The following OSTC variants were observed in gnomAD, a reference collection of about 807,000 sequenced individuals.
The protein encoded by OSTC is oligosaccharyltransferase complex subunit OSTC.
A neutral mutation model predicts 16.4 loss-of-function variants in OSTC; 16 were observed. That is an observed-to-expected ratio of 0.98 (90% CI 0.66 to 1.49). The LOEUF is 1.49. Among genes scored for constraint, OSTC ranks in the 40% most tolerant of loss-of-function variants. The pLI is 0.00. For missense variants in OSTC, 139 were observed against 186.3 expected (o/e 0.75, Z 1.48); for synonymous variants, 67 against 68.5 (o/e 0.98, Z 0.11).
intron 2 of OSTC, among the ~76,000 whole-genome samples, chr4:108,656,960 G>A (rs191292165): frequency 3.3e-5 from 5 of 152,014 alleles, no homozygotes; most frequent in East Asian, 1.9e-4. Context: ...TTAGCCAGGC[G>A]TGGTGGCACG....
intron 3 of OSTC, among the ~76,000 whole-genome samples, chr4:108,660,399 T>C (rs976348314): frequency 6.6e-6 from 1 of 152,202 alleles, no homozygotes; most frequent in Admixed American, 6.5e-5. Context: ...GACAGTTTTA[T>C]ATAAGAAATG....
intron 3 of OSTC, among the ~76,000 whole-genome samples, chr4:108,665,533 G>GTTTTGTTTTGTTT (rs33968685): frequency 0.12 from 14,536 of 125,828 alleles, 1,520 homozygotes; most frequent in East Asian, 0.35. Context: ...AGGATGTTTT[G>GTTTTGTTTTGTTT]TGTTTTGTTT....
intron 3 of OSTC, among the ~76,000 whole-genome samples, chr4:108,666,756 A>G (rs1727017712): frequency 6.8e-6 from 1 of 146,100 alleles, no homozygotes; most frequent in Admixed American, 7.1e-5. Flanking sequence ...GTGTAATCCC[A>G]GCACTTTGGA....
At chr4:108,662,911 A>G (rs576853794) in intron 3 of OSTC, among the ~76,000 whole-genome samples, 67 of 152,336 alleles carry the variant, frequency 4.4e-4, no homozygotes, top group Non-Finnish European at 7.4e-4. Flanking sequence ...GCTGAGGACA[A>G]TGTGTAGTAG....
At chr4:108,652,594 G>A (rs1169397623) in intron 1 of OSTC, among the ~76,000 whole-genome samples, 1 of 152,156 alleles carries the variant, frequency 6.6e-6, no homozygotes, top group Non-Finnish European at 1.5e-5. Context: ...CTGACAAATA[G>A]TCAGCAAATA....
chr4:108,664,673 A>C (rs935565179), intron 3 of OSTC, among the ~76,000 whole-genome samples: 29 of 151,478 alleles, frequency 1.9e-4, no homozygotes, highest in African/African-American at 6.6e-4. Flanking sequence ...GGTTCACTGC[A>C]ATCTCCGCCT....
Position 108,655,592 on chromosome 4 carries a change from T to C in OSTC, c.168T>C (p.Pro56=), listed in dbSNP as rs770962781. 1 of 1,605,654 alleles carries C rather than the reference T, an allele frequency of 6.2e-7. No homozygotes were observed. Among genetic ancestry groups the C allele is most frequent in the Non-Finnish European group, 8.5e-7 (1 of 1,172,956 alleles). The change falls in exon 2 of 4, where the codon CCT becomes CCC. Residue 56 remains proline, a synonymous_variant. Transcript: ENST00000361564. ...GGIIYDVIVE[P]PSVGSMTDEH... The stretch of plus-strand genomic sequence containing the variant: ...TAATTTATGATGTTATTGTTGAACC[T>C]CCAAGTGTCGGTTCTATGACTGATG...
chr4:108,663,592 C>T (rs1726918977), intron 3 of OSTC, among the ~76,000 whole-genome samples: 1 of 152,172 alleles, frequency 6.6e-6, no homozygotes, highest in Admixed American at 6.5e-5. Context: ...AGTGAGGAGA[C>T]TTGTGTTTTA....
chr4:108,657,707 A>G, intron 3 of OSTC, 60 bp downstream of exon 3: 17 of 1,416,454 alleles, frequency 1.2e-5, no homozygotes, highest in Non-Finnish European at 1.6e-5. Context: ...TTACCTGGAA[A>G]ATGTAAAGTC....
chr4:108,656,274 A>T (rs1234816035), intron 2 of OSTC, among the ~76,000 whole-genome samples: 1 of 152,056 alleles, frequency 6.6e-6, no homozygotes, highest in Non-Finnish European at 1.5e-5. Flanking sequence ...AAACATAGCT[A>T]TATGTTTATA....
In OSTC at chr4:108,662,369, G is replaced by A. The variant is rs1046081546; in HGVS notation, c.431+4722G>A. Among the ~76,000 whole-genome samples the A allele has an allele frequency of 2.6e-5, 4 of 152,114 alleles. No individual in the cohort carries two copies. The East Asian group carries it at 7.7e-4, about 29-fold the overall frequency. On this transcript the variant is annotated intron_variant, in intron 3 of 3. Transcript: ENST00000361564. ...TTTCGACAGACCCTCTTTCTAAAGC[G>A]TTTGTTGTGTTGTATTACACGTTAA...
intron 1 of OSTC, among the ~76,000 whole-genome samples, chr4:108,655,245 C>T (rs183528781): frequency 6.6e-6 from 1 of 152,250 alleles, no homozygotes; most frequent in East Asian, 1.9e-4. Context: ...GCAGGTGGAT[C>T]ACCTGAGGTC....
chr4:108,652,106 CTT>C (rs1726569750), intron 1 of OSTC: 1 of 152,030 alleles, frequency 6.6e-6, no homozygotes, highest in Non-Finnish European at 1.5e-5. Context: ...AAATAATAGA[CTT>C]TTAAAAATAA....
intron 3 of OSTC, among the ~76,000 whole-genome samples, chr4:108,661,008 G>C (rs1454012957): frequency 6.6e-6 from 1 of 152,048 alleles, no homozygotes; most frequent in Non-Finnish European, 1.5e-5. Flanking sequence ...CTTGAGGTCA[G>C]GAGTTCAAGA....
At chr4:108,664,203 G>T (rs1409245146) in intron 3 of OSTC, among the ~76,000 whole-genome samples, 2 of 152,150 alleles carry the variant, frequency 1.3e-5, no homozygotes, top group East Asian at 3.8e-4. Flanking sequence ...AACAGGACAT[G>T]TCTATTTAAA....
intron 2 of OSTC, 91 bp downstream of exon 2, chr4:108,655,748 A>T (rs1329049212): frequency 3.4e-6 from 3 of 883,282 alleles, no homozygotes; most frequent in East Asian, 5.2e-5. Flanking sequence ...AACCTATGGG[A>T]TCCATGTGTA....
chr4:108,654,491 T>G (rs2575643), intron 1 of OSTC, among the ~76,000 whole-genome samples: 152,162 of 152,300 alleles, frequency 1, 76,012 homozygotes, highest in Middle Eastern at 1. Flanking sequence ...GATCCCACAT[T>G]ATAGGAGGTG....
At chr4:108,655,293 C>A (rs967442624) in intron 1 of OSTC, among the ~76,000 whole-genome samples, 2 of 152,048 alleles carry the variant, frequency 1.3e-5, no homozygotes, top group Admixed American at 1.3e-4. Context: ...TGGTGAAATC[C>A]CGTCTCTACT....
intron 3 of OSTC, among the ~76,000 whole-genome samples, chr4:108,659,850 T>C (rs952334749): frequency 6.6e-6 from 1 of 152,104 alleles, no homozygotes; most frequent in Non-Finnish European, 1.5e-5. Flanking sequence ...ACAGAGAAAG[T>C]GTCCTGGTTT....
Sources: gnomAD v4.1 joint callset for allele counts (sites outside exome capture counted in the v4.1 genomes callset) on GRCh38, gnomAD v4.1.1 for gene constraint, MANE v1.5 for transcripts, NCBI Gene and HGNC (gene_info 2026-07-23, HGNC 2026-07-21) for gene names.